The following PRMT8 variants were observed in gnomAD, a reference collection of about 807,000 sequenced individuals.
The protein encoded by PRMT8 is protein arginine N-methyltransferase 8.
Under a neutral mutation model 47.1 loss-of-function variants are expected in PRMT8, and 7 were observed. The observed-to-expected ratio is 0.15, with a 90% CI of 0.08 to 0.28. The LOEUF (loss-of-function observed/expected upper bound fraction) is 0.28. Among genes scored for constraint, PRMT8 ranks in the 10% least tolerant of loss-of-function variants. The probability of loss-of-function intolerance (pLI) is 1.00; values close to 1 mark genes in which losing one functional copy is unlikely to be tolerated. For synonymous variants in PRMT8, 188 were observed against 186.5 expected (o/e 1.01, Z -0.07); for missense variants, 237 against 505.4 (o/e 0.47, Z 5.09).
chr12:3,585,345 C>CT (rs71061123), intron 8 of PRMT8, among the ~76,000 whole-genome samples: 24,821 of 45,662 alleles, frequency 0.54, 10,961 homozygotes, highest in South Asian at 0.7. Flanking sequence ...GAAAATGATG[C>CT]TTTTTTTTTT....
intron 5 of PRMT8, 119 bp downstream of exon 5, chr12:3,568,967 T>C: frequency 7.4e-7 from 1 of 1,355,584 alleles, no homozygotes; most frequent in African/African-American, 1.4e-5. Context: ...AGGAGGTCAC[T>C]GCCCCAAGCC....
intron 2 of PRMT8, among the ~76,000 whole-genome samples, chr12:3,544,749 C>A (rs1039911241): frequency 6.6e-6 from 1 of 152,184 alleles, no homozygotes; most frequent in East Asian, 1.9e-4. Flanking sequence ...AGATACCATA[C>A]GGATGTTTCT....
chr12:3,408,694 C>G (rs982626252), intron 1 of PRMT8, among the ~76,000 whole-genome samples: 5 of 152,026 alleles, frequency 3.3e-5, no homozygotes, highest in African/African-American at 4.8e-5. Context: ...GAACAGCTAC[C>G]CCTTCAAAAC....
intron 1 of PRMT8, among the ~76,000 whole-genome samples, chr12:3,519,826 G>A (rs1865854425): frequency 6.6e-6 from 1 of 152,192 alleles, no homozygotes; most frequent in African/African-American, 2.4e-5. Flanking sequence ...GGCACACCCT[G>A]TTAAAGGGGC....
At chr12:3,495,908 A>G (rs902582603) in intron 1 of PRMT8, among the ~76,000 whole-genome samples, 1 of 152,166 alleles carries the variant, frequency 6.6e-6, no homozygotes, top group Non-Finnish European at 1.5e-5. Flanking sequence ...CAGTCAAATC[A>G]TGGGTACATT....
intron 1 of PRMT8, among the ~76,000 whole-genome samples, chr12:3,444,158 C>G (rs1864833072): frequency 6.6e-6 from 1 of 152,172 alleles, no homozygotes; most frequent in Non-Finnish European, 1.5e-5. Flanking sequence ...CAGACAAGGA[C>G]TTGGGTTAAT....
At chr12:3,401,515 G>A (rs947010103) in intron 1 of PRMT8, among the ~76,000 whole-genome samples, 1 of 152,114 alleles carries the variant, frequency 6.6e-6, no homozygotes, top group Non-Finnish European at 1.5e-5. Context: ...AGGAAGAGAG[G>A]AAGTTAAATT....
At chr12:3,586,237 G>T (rs1867170314) in intron 8 of PRMT8, among the ~76,000 whole-genome samples, 1 of 152,110 alleles carries the variant, frequency 6.6e-6, no homozygotes. Flanking sequence ...ATGTGGAGGA[G>T]CCTGGATTAA....
intron 1 of PRMT8, among the ~76,000 whole-genome samples, chr12:3,530,496 A>G (rs1866013369): frequency 6.6e-6 from 1 of 152,244 alleles, no homozygotes; most frequent in Non-Finnish European, 1.5e-5. Flanking sequence ...AGTTTCAGAT[A>G]AGCAGATGCC....
At chr12:3,465,222 A>AATATAAAATATATATATTTTTATAT (rs1450346878) in intron 1 of PRMT8, among the ~76,000 whole-genome samples, 1 of 143,790 alleles carries the variant, frequency 7.0e-6, no homozygotes, top group Non-Finnish European at 1.5e-5. Context: ...ATATTTTATA[A>AATATAAAATATATATATTTTTATAT]ATATAAAATA....
At chr12:3,392,828 A>G (rs901513953) in intron 1 of PRMT8, among the ~76,000 whole-genome samples, 9 of 152,164 alleles carry the variant, frequency 5.9e-5, no homozygotes, top group African/African-American at 1.7e-4. Context: ...AGTCCCACCA[A>G]CAGTGTAAAA....
chr12:3,505,029 C>CG (rs1252336792), intron 1 of PRMT8, among the ~76,000 whole-genome samples: 1 of 135,232 alleles, frequency 7.4e-6, no homozygotes, highest in Admixed American at 7.5e-5. Flanking sequence ...TTGCGCTTCC[C>CG]AGGTGAGGCA....
At chr12:3,441,503 C>G (rs1222085206) in intron 1 of PRMT8, among the ~76,000 whole-genome samples, 2 of 152,190 alleles carry the variant, frequency 1.3e-5, no homozygotes, top group African/African-American at 4.8e-5. Context: ...GTGGCCATCA[C>G]AAGGCCACCT....
chr12:3,439,624 A>G (rs1349861908), intron 1 of PRMT8, among the ~76,000 whole-genome samples: 1 of 152,166 alleles, frequency 6.6e-6, no homozygotes, highest in African/African-American at 2.4e-5. Flanking sequence ...TACAATGTAC[A>G]CTTTTCAAGA....
chr12:3,411,053 T>C (rs1432556102), intron 1 of PRMT8, among the ~76,000 whole-genome samples: 1 of 152,232 alleles, frequency 6.6e-6, no homozygotes, highest in African/African-American at 2.4e-5. Flanking sequence ...TCGGCATGCT[T>C]TGAGGCTTGG....
chr12:3,413,300 G>C (rs1454316750), intron 1 of PRMT8, among the ~76,000 whole-genome samples: 1 of 152,208 alleles, frequency 6.6e-6, no homozygotes, highest in Non-Finnish European at 1.5e-5. Context: ...CATATAGGAT[G>C]TGTCTTGCCT....
At position 3,405,238 on chromosome 12, in the gene PRMT8, AACTC is replaced by A. The variant is rs1864360858; in HGVS notation, c.48+23804_48+23807del. Among the ~76,000 whole-genome samples the A allele has an allele frequency of 9.2e-5, 14 of 152,220 alleles. No homozygotes were observed. The South Asian group carries it at 2.9e-3, about 32-fold the overall frequency. ...TTATAAAACCATCAGATCTTGTGAAAACTCACTCACTACAACAAGACCAGCATGA... is the reference window on the plus strand; with the variant it reads ...TTATAAAACCATCAGATCTTGTGAAAACTCACTACAACAAGACCAGCATGA... On this transcript the variant is annotated intron_variant, in intron 1 of 9. Transcript: ENST00000452611.
chr12:3,385,875 A>G (rs1014659592), intron 1 of PRMT8, among the ~76,000 whole-genome samples: 2 of 151,804 alleles, frequency 1.3e-5, no homozygotes, highest in African/African-American at 4.8e-5. Context: ...ATTTGTAGCT[A>G]TTCATGACTG....
Position 3,577,004 on chromosome 12 carries a change from G to A in PRMT8, c.828+18G>A. ...TGATAAAGGTCTGGACACTCATCCG[G>A]GGTGGACCTGGGTGTGCTGGGAGCC... On this transcript the variant is annotated intron_variant, in intron 7 of 9. Coordinates refer to ENST00000382622, the MANE Select transcript of PRMT8 (RefSeq NM_019854.5). 1 of 1,601,650 alleles carries A rather than the reference G, an allele frequency of 6.2e-7. No individual in the cohort carries two copies. The highest frequency in any genetic ancestry group is 8.6e-7 in the Non-Finnish European group (1 of 1,168,994).
Sources: allele counts gnomAD v4.1 joint callset (sites outside exome capture counted in the v4.1 genomes callset), GRCh38; gene constraint gnomAD v4.1.1; transcripts MANE v1.5; gene names NCBI Gene and HGNC (gene_info 2026-07-23, HGNC 2026-07-21).